Variants in PCDHGB3 observed in about 807,000 individuals in gnomAD.
PCDHGB3 encodes protocadherin gamma-B3.
A neutral mutation model predicts 59.2 loss-of-function variants in PCDHGB3; 40 were observed. The ratio of observed to expected loss-of-function variants is 0.68; its 90% confidence interval spans 0.52 to 0.88. The LOEUF (loss-of-function observed/expected upper bound fraction) is 0.88, where lower values mean the gene tolerates loss of function less well. Ranked by LOEUF, PCDHGB3 falls within the 40% of genes least tolerant of loss-of-function variation. The probability of loss-of-function intolerance (pLI) is 0.00; values close to 1 mark genes in which losing one functional copy is unlikely to be tolerated. For synonymous variants in PCDHGB3, 581 were observed against 503.6 expected, an observed-to-expected ratio of 1.15 and a Z score of -2.06; for missense variants, 1,309 against 1,187.9, an observed-to-expected ratio of 1.10 and a Z score of -1.50.
chr5:141,475,903 G>C, intron 1 of PCDHGB3: 5 of 576,064 alleles, frequency 8.7e-6, no homozygotes, highest in Non-Finnish European at 1.5e-5. Context: ...TGCCGCTGTC[G>C]GCCAATGAAG....
At chr5:141,388,781 T>C (rs770000046) in intron 1 of PCDHGB3, 3 of 1,613,832 alleles carry the variant, frequency 1.9e-6, no homozygotes, top group Non-Finnish European at 2.5e-6. Flanking sequence ...CCGGGGAAAT[T>C]ACTGTTTTAA....
Position 141,476,935 on chromosome 5 carries a change from A to G in PCDHGB3, c.2416-17872A>G. The G allele has an allele frequency of 6.2e-7, 1 of 1,614,166 alleles. No homozygotes were observed. Among genetic ancestry groups the G allele is most frequent in the Non-Finnish European group, 8.5e-7 (1 of 1,180,046 alleles). Reference sequence around the variant, plus strand: ...AAGTCCTTGCAACGGATCTGGATGAAGGCCCCAACGGTGAAATTATTTACT... The same window carrying G: ...AAGTCCTTGCAACGGATCTGGATGAGGGCCCCAACGGTGAAATTATTTACT... On this transcript the variant is annotated intron_variant, in intron 1 of 3. Transcript: ENST00000576222. This position sits in a 1 kb window ranked among gnomAD's most constrained non-coding sequence, Gnocchi z 7.6.
rs1436956912 is a variant in PCDHGB3, at chr5:141,438,609, TATATATATATATATATATATATATATAC to T, written c.2416-56196_2416-56169del. Reference sequence around the variant, plus strand: ...ATACATACATATATATATATATATATATATATATATATATATATATATATATACACACACACACACACATATATGTATA... The same window carrying T: ...ATACATACATATATATATATATATATACACACACACACACATATATGTATA... On this transcript the variant is annotated intron_variant, in intron 1 of 3. Coordinates refer to ENST00000576222, the MANE Select transcript of PCDHGB3 (RefSeq NM_018924.5). Among the ~76,000 whole-genome samples the T allele has an allele frequency of 2.2e-3, 92 of 41,082 alleles. 2 individuals are homozygous for T. Among genetic ancestry groups the T allele is most frequent in the East Asian group, 7.4e-3 (6 of 810 alleles). The allele number at this position is 41,082 out of a possible 152,430, so 27.0% of individuals were successfully genotyped here.
At chr5:141,456,827 G>A (rs183303757) in intron 1 of PCDHGB3, among the ~76,000 whole-genome samples, 13 of 152,236 alleles carry the variant, frequency 8.5e-5, no homozygotes, top group South Asian at 2.1e-4. Flanking sequence ...AGCCATCGTG[G>A]TAGTGGGCGC....
Position 141,391,341 on chromosome 5 carries a change from CTCTG to C in PCDHGB3, c.2415+18538_2415+18541del, listed in dbSNP as rs1256271403. Reference sequence around the variant, plus strand: ...TCTTTTTTTTTTTTTGAGACAGAGTCTCTGTCTGTTACTCAGGCTGTAGTGCAGT... The same window carrying C: ...TCTTTTTTTTTTTTTGAGACAGAGTCTCTGTTACTCAGGCTGTAGTGCAGT... On this transcript the variant is annotated intron_variant, in intron 1 of 3. Transcript: ENST00000576222. 2.1e-5 allele frequency: 3 copies of C among 145,162 alleles called. No individual in the cohort carries two copies. In the South Asian group the frequency reaches 6.5e-4, roughly 32 times the overall value. The allele number at this position is 145,162 out of a possible 1,614,324, so 9.0% of individuals were successfully genotyped here.
rs2149968382 is a variant in PCDHGB3 at position 141,370,661 on chromosome 5, T to C, written c.267T>C (p.Arg89=). The C allele has an allele frequency of 6.2e-7, 1 of 1,613,892 alleles. No homozygotes were observed. The highest frequency in any genetic ancestry group is 1.3e-5 in the African/African-American group (1 of 75,042). Residue 89 remains arginine, a synonymous_variant, in exon 1 of 4, where the codon CGT becomes CGC. Transcript: ENST00000576222. Reference sequence around the variant, plus strand: ...ATGGGAACTTACTTGTGAGCGACCGTATAGACCGAGAGGAGATTTGTGGCA... The same window carrying C: ...ATGGGAACTTACTTGTGAGCGACCGCATAGACCGAGAGGAGATTTGTGGCA... ...PENGNLLVSD[R]IDREEICGKK...
chr5:141,371,558 A>G lies in PCDHGB3; in HGVS notation c.1164A>G (p.Gly388=). The stretch of plus-strand genomic sequence containing the variant: ...GAGAAATCCTATGCCAACTAAAAGG[A>G]AACTTCCCCTTTAAAATCGTTCAAG... The part of the protein sequence containing the change: ...FNGEILCQLK[G]NFPFKIVQDT... Residue 388 remains glycine (G), a synonymous_variant, in exon 1 of 4, where the codon GGA becomes GGG. Transcript: ENST00000576222. 1 of 1,613,764 alleles carries G rather than the reference A, an allele frequency of 6.2e-7. No homozygotes were observed. The highest frequency in any genetic ancestry group is 8.5e-7 in the Non-Finnish European group (1 of 1,179,812).
At position 141,482,865 on chromosome 5, in the gene PCDHGB3, A is replaced by G. The variant is rs557581796; in HGVS notation, c.2416-11942A>G. ...GGTGGGCAGATCACTTGAGGTCAGG[A>G]GTTTGAAACCAGCCTGGCCAACATG... On this transcript the variant is annotated intron_variant, in intron 1 of 3. Coordinates refer to ENST00000576222, the MANE Select transcript of PCDHGB3 (RefSeq NM_018924.5). Among the ~76,000 whole-genome samples, 66 of 152,206 alleles carry G rather than the reference A, an allele frequency of 4.3e-4. 1 individual carries two copies. Among genetic ancestry groups the G allele is most frequent in the African/African-American group, 1.5e-3 (61 of 41,516 alleles).
rs752604165 is a variant in PCDHGB3, at chr5:141,494,771, G to A, written c.2416-36G>A. On this transcript the variant is annotated intron_variant, in intron 1 of 3. Coordinates refer to ENST00000576222, the MANE Select transcript of PCDHGB3 (RefSeq NM_018924.5). ...CTCGGGTGACATTCTAACTTCTCAC[G>A]GGTACTCAGCCCCTTTCCCTCTGTT... 74 of 1,613,730 alleles carry A rather than the reference G, an allele frequency of 4.6e-5. No homozygotes were observed. The East Asian group carries it at 1.6e-3, about 36-fold the overall frequency.
chr5:141,376,151 A>T lies in PCDHGB3; in HGVS notation c.2415+3342A>T. ...CGCCAAACCCAACGATTCGGACCTC[A>T]CTCTGTACCTGGTGGTGGCGGTGGC... On this transcript the variant is annotated intron_variant, in intron 1 of 3. Coordinates refer to ENST00000576222, the MANE Select transcript of PCDHGB3 (RefSeq NM_018924.5). The T allele has an allele frequency of 1.9e-6, 3 of 1,612,748 alleles. No individual in the cohort carries two copies. In the South Asian group the frequency reaches 3.3e-5, roughly 18 times the overall value.
At chr5:141,430,635 T>C (rs1561846344) in intron 1 of PCDHGB3, 1 of 881,828 alleles carries the variant, frequency 1.1e-6, no homozygotes, top group African/African-American at 1.7e-5. Context: ...GAACCATCCC[T>C]GGGAGTATGT....
intron 1 of PCDHGB3, chr5:141,428,464 G>A (rs904800167): frequency 1.1e-4 from 37 of 344,652 alleles, no homozygotes; most frequent in African/African-American, 6.3e-4. Context: ...CTACAATGAG[G>A]GAACTTTGCT....
chr5:141,375,216 T>A (rs1368760534), intron 1 of PCDHGB3: 1 of 1,614,014 alleles, frequency 6.2e-7, no homozygotes, highest in Admixed American at 1.7e-5. Context: ...GACTCTGGCC[T>A]GAATGGCCTG....
Position 141,372,461 on chromosome 5 carries a change from G to C in PCDHGB3, c.2067G>C (p.Gln689His), listed in dbSNP as rs749088592. Reference sequence around the variant, plus strand: ...CCTCTGACCCTCAGGCGGAGCTACAGTTTCACCTAGTAGTGGCGTTGGCCT... The same window carrying C: ...CCTCTGACCCTCAGGCGGAGCTACACTTTCACCTAGTAGTGGCGTTGGCCT... ...PTPSDPQAELQFHLVVALALI... is the reference protein window; with the variant it reads ...PTPSDPQAELHFHLVVALALI... The change falls in exon 1 of 4, where the codon CAG becomes CAC. Residue 689 changes from glutamine to histidine, a missense_variant. Physicochemically the swap from Gln to His is conservative, Grantham distance 24. Transcript: ENST00000576222. 4 of 1,613,922 alleles carry C rather than the reference G, an allele frequency of 2.5e-6. No individual in the cohort carries two copies. Among genetic ancestry groups the C allele is most frequent in the Non-Finnish European group, 2.5e-6 (3 of 1,179,906 alleles).
chr5:141,439,416 G>T (rs1169961917), intron 1 of PCDHGB3, among the ~76,000 whole-genome samples: 3 of 152,156 alleles, frequency 2.0e-5, no homozygotes, highest in African/African-American at 7.2e-5. Flanking sequence ...CATCACTGAG[G>T]TTATAAATTC....
At chr5:141,510,810 A>G (rs1455434913) in intron 3 of PCDHGB3, 137 bp from the exon 4 acceptor site, 19 of 1,519,650 alleles carry the variant, frequency 1.3e-5, no homozygotes, top group Admixed American at 2.0e-5. Flanking sequence ...TACCTTGGTG[A>G]CCCCTATATT....
chr5:141,435,642 T>C lies in PCDHGB3; in HGVS notation c.2416-59165T>C, dbSNP rs1326178929. On this transcript the variant is annotated intron_variant, in intron 1 of 3. Coordinates refer to ENST00000576222, the MANE Select transcript of PCDHGB3 (RefSeq NM_018924.5). ...CATAACTTTTACAACTATGGGAAAA[T>C]TTCTGAAACGTGCACAGATTCCAAG... Among the ~76,000 whole-genome samples the C allele has an allele frequency of 2.0e-5, 3 of 152,156 alleles. No individual in the cohort carries two copies. The East Asian group carries it at 5.8e-4, about 29-fold the overall frequency.
At chr5:141,458,907 A>AT (rs759653270) in intron 1 of PCDHGB3, among the ~76,000 whole-genome samples, 1 of 151,752 alleles carries the variant, frequency 6.6e-6, no homozygotes, top group Non-Finnish European at 1.5e-5. Context: ...AATTTTTTCT[A>AT]TTTTTTGTGG....
chr5:141,414,752 ATG>A, intron 1 of PCDHGB3: 2 of 1,614,228 alleles, frequency 1.2e-6, no homozygotes, highest in Non-Finnish European at 1.7e-6. Context: ...TCCTTCGACT[ATG>A]AGCAGTTTCA....
Sources: gnomAD v4.1 joint callset for allele counts (sites outside exome capture counted in the v4.1 genomes callset) on GRCh38, gnomAD v4.1.1 for gene constraint, Gnocchi (gnomAD v3.1) non-coding constraint, MANE v1.5 for transcripts, NCBI Gene and HGNC (gene_info 2026-07-23, HGNC 2026-07-21) for gene names.